The following PRAM1 variants were observed in gnomAD, a reference collection of about 807,000 sequenced individuals.
PRAM1 encodes the protein PML-RARA-regulated adapter molecule 1.
Under a neutral mutation model 55.3 loss-of-function variants are expected in PRAM1, and 41 were observed. The ratio of observed to expected loss-of-function variants is 0.74; its 90% CI spans 0.58 to 0.96. PRAM1 has a LOEUF of 0.96. Ranked by LOEUF, PRAM1 falls within the 40% of genes least tolerant of loss-of-function variation. The probability of loss-of-function intolerance (pLI) is 0.00; values close to 1 mark genes in which losing one functional copy is unlikely to be tolerated. For synonymous variants in PRAM1, 401 were observed against 387.1 expected (o/e 1.04, Z -0.42); for missense variants, 898 against 892.7 (o/e 1.01, Z -0.08).
intron 1 of PRAM1, among the ~76,000 whole-genome samples, chr19:8,501,944 A>G (rs1971812039): frequency 6.6e-6 from 1 of 152,178 alleles, no homozygotes; most frequent in African/African-American, 2.4e-5. Context: ...TAGTCCTACA[A>G]ACGCCCCTTT....
At position 8,499,267 on chromosome 19, in the gene PRAM1, A is replaced by AG. The variant is rs1320844391; in HGVS notation, c.540dup (p.Ser181LeufsTer19). The AG allele has an allele frequency of 1.2e-6, 2 of 1,608,688 alleles. No homozygotes were observed. The highest frequency in any genetic ancestry group is 8.5e-7 in the Non-Finnish European group (1 of 1,177,402). On this transcript the variant is annotated frameshift_variant, in exon 2 of 10. Transcript: ENST00000423345. LOFTEE classifies it high-confidence loss of function. ...GGGAATGCGCCGGATTTGGGTTCGG[A>AG]GGGGGGTCTGGCGGGGTGACTGAGT...
chr19:8,490,177 C>T lies in PRAM1; in HGVS notation c.*12G>A, dbSNP rs777062820. The T allele has an allele frequency of 1.1e-5, 17 of 1,560,802 alleles. No homozygotes were observed. The highest frequency in any genetic ancestry group is 4.6e-5 in the East Asian group (2 of 43,722). The stretch of plus-strand genomic sequence containing the variant: ...GGGCTGGCTGGCTGTCCTGGCCCCA[C>T]GCCTACCGGTCTTACCGTCCCAGGG... On this transcript the variant is annotated 3_prime_UTR_variant, in exon 10 of 10. Coordinates refer to ENST00000423345, the MANE Select transcript of PRAM1 (RefSeq NM_032152.5). The surrounding 1 kb of genome is among the most constrained non-coding windows in gnomAD (Gnocchi z 7.3).
chr19:8,490,239 CG>C lies in PRAM1; in HGVS notation c.1976-14del, dbSNP rs762212613. 6.2e-7 allele frequency: 1 copy of C among 1,607,630 alleles called. No homozygotes were observed. The highest frequency in any genetic ancestry group is 1.1e-5 in the South Asian group (1 of 90,270). ...TTTTCCAGGGGATCTGCCGAGGAAG[CG>C]TGACTTCCATGGACCCCTCTCCCCA... On this transcript the variant is annotated splice_polypyrimidine_tract_variant and intron_variant, in intron 9 of 9. Transcript: ENST00000423345. This position sits in a 1 kb window ranked among gnomAD's most constrained non-coding sequence, Gnocchi z 7.3.
intron 1 of PRAM1, among the ~76,000 whole-genome samples, chr19:8,500,451 T>G (rs989843474): frequency 2.0e-5 from 3 of 152,002 alleles, no homozygotes; most frequent in African/African-American, 7.2e-5. Context: ...CCCTGGTCAG[T>G]TCCCCCCATG....
intron 1 of PRAM1, among the ~76,000 whole-genome samples, chr19:8,502,079 A>G (rs867238937): frequency 3.3e-5 from 5 of 152,152 alleles, no homozygotes; most frequent in African/African-American, 1.2e-4. Flanking sequence ...AAAGGCAGCA[A>G]TTCCCACCTG....
At position 8,499,633 on chromosome 19, in the gene PRAM1, C is replaced by T. The variant is rs55837738; in HGVS notation, c.175G>A (p.Ala59Thr). The change falls in exon 2 of 10, where the codon GCC becomes ACC. Residue 59 changes from alanine to threonine, a missense_variant. Transcript: ENST00000423345. The stretch of plus-strand genomic sequence containing the variant: ...ACTGCACCAAACTCAGGCAGCGGGG[C>T]CTTCTTGGGGTGCTCGCTTAGCTCA... ...QPELSEHPKK[A>T]PLPEFGAVSL... The T allele has an allele frequency of 3.7e-6, 6 of 1,612,652 alleles. 1 individual carries two copies. The highest frequency in any genetic ancestry group is 5.1e-6 in the Non-Finnish European group (6 of 1,179,226).
chr19:8,491,222 GTTTT>G (rs1242999078), intron 4 of PRAM1, 65 bp from the exon 5 acceptor site: 2 of 1,499,272 alleles, frequency 1.3e-6, no homozygotes, highest in African/African-American at 2.8e-5. Context: ...CCTGGTAGCT[GTTTT>G]TTGTTTGTTT....
chr19:8,492,924 G>T (rs964273914), intron 4 of PRAM1, among the ~76,000 whole-genome samples: 1 of 152,160 alleles, frequency 6.6e-6, no homozygotes, highest in African/African-American at 2.4e-5. Flanking sequence ...CGGAACCTGG[G>T]AGCTGGAGGT....
rs1013502243 is a variant in PRAM1, at chr19:8,493,995, A to T, written c.1577-2838T>A. On this transcript the variant is annotated intron_variant, in intron 4 of 9. Transcript: ENST00000423345. This position sits in a 1 kb window ranked among gnomAD's most constrained non-coding sequence, Gnocchi z 4.1. Reference sequence around the variant, plus strand: ...GTATTTTTAGTAGAGACGGGGTTTCACCATGTTGGCCAGGCTGGTCTCGAA... The same window carrying T: ...GTATTTTTAGTAGAGACGGGGTTTCTCCATGTTGGCCAGGCTGGTCTCGAA... Among the ~76,000 whole-genome samples, 3 of 152,044 alleles carry T rather than the reference A, an allele frequency of 2.0e-5. No individual in the cohort carries two copies. Among genetic ancestry groups the T allele is most frequent in the Admixed American group, 2.0e-4 (3 of 15,256 alleles).
chr19:8,491,031 G>A, intron 5 of PRAM1, 36 bp from the exon 6 acceptor site: 1 of 1,612,604 alleles, frequency 6.2e-7, no homozygotes. Context: ...GTGCTCGTGA[G>A]CAAGTTGTGC....
chr19:8,500,274 C>G lies in PRAM1; in HGVS notation c.28-494G>C, dbSNP rs541215493. ...AGGCTTGAGCCGCCGCGCCCAGGCC[C>G]CCAGTCCCTTCTGTGCTAATTTCAA... On this transcript the variant is annotated intron_variant, in intron 1 of 9. Transcript: ENST00000423345. Among the ~76,000 whole-genome samples, 8 of 151,968 alleles carry G rather than the reference C, an allele frequency of 5.3e-5. 1 individual carries two copies. Among genetic ancestry groups the G allele is most frequent in the Admixed American group, 5.2e-4 (8 of 15,258 alleles).
At chr19:8,497,705 G>A (rs1971717554) in intron 4 of PRAM1, 59 bp downstream of exon 4, 17 of 1,405,630 alleles carry the variant, frequency 1.2e-5, no homozygotes, top group Non-Finnish European at 1.7e-5. Flanking sequence ...CCAGGAGCAT[G>A]GCAGAAAATG....
chr19:8,491,315 C>G (rs746853034), intron 4 of PRAM1, 158 bp from the exon 5 acceptor site: 15 of 731,062 alleles, frequency 2.1e-5, no homozygotes, highest in Admixed American at 4.4e-5. Context: ...CTCACTGCAA[C>G]CTTCGCCTCC....
rs907518320 is a variant in PRAM1 at position 8,493,322 on chromosome 19, C to T, written c.1577-2165G>A. On this transcript the variant is annotated intron_variant, in intron 4 of 9. Coordinates refer to ENST00000423345, the MANE Select transcript of PRAM1 (RefSeq NM_032152.5). The surrounding 1 kb of genome is among the most constrained non-coding windows in gnomAD (Gnocchi z 4.1). ...CAAGGAGCAGCACCTGAATCGTGCC[C>T]GCCAGATACCAGGCATGGCCATCCA... Among the ~76,000 whole-genome samples, 9 of 152,232 alleles carry T rather than the reference C, an allele frequency of 5.9e-5. No homozygotes were observed. The highest frequency in any genetic ancestry group is 1.4e-4 in the African/African-American group (6 of 41,468).
chr19:8,495,758 G>C (rs567238043), intron 4 of PRAM1, among the ~76,000 whole-genome samples: 1 of 151,668 alleles, frequency 6.6e-6, no homozygotes, highest in Admixed American at 6.6e-5. Context: ...CAGATTTAGG[G>C]ACAGGCAGGC....
intron 4 of PRAM1, among the ~76,000 whole-genome samples, chr19:8,496,615 C>T (rs989883682): frequency 6.6e-6 from 1 of 152,010 alleles, no homozygotes; most frequent in Non-Finnish European, 1.5e-5. Context: ...ATCCCAGCTA[C>T]TCCAGAGGGT....
Position 8,497,099 on chromosome 19 carries a change from A to G in PRAM1, c.1576+665T>C, listed in dbSNP as rs1401437201. On this transcript the variant is annotated intron_variant, in intron 4 of 9. Coordinates refer to ENST00000423345, the MANE Select transcript of PRAM1 (RefSeq NM_032152.5). ...AATGGAACCTAACATCTTGTCGTCA[A>G]CCCAGGGGCGGCTCTGTCATGCCCT... 2.0e-5 allele frequency among the ~76,000 whole-genome samples: 3 copies of G among 152,046 alleles called. No individual in the cohort carries two copies. The East Asian group carries it at 5.8e-4, about 29-fold the overall frequency.
chr19:8,490,356 C>T lies in PRAM1; in HGVS notation c.1957G>A (p.Asp653Asn), dbSNP rs1459822360. 1.5e-5 allele frequency: 24 copies of T among 1,614,006 alleles called. No individual in the cohort carries two copies. Among genetic ancestry groups the T allele is most frequent in the East Asian group, 2.2e-5 (1 of 44,872 alleles). Residue 653 changes from aspartate (D) to asparagine (N), a missense_variant, in exon 9 of 10, where the codon GAT becomes AAT. This residue lies in a region of PRAM1 where 787 missense variants were observed against 735.4 expected (regional missense o/e 1.07). Coordinates refer to ENST00000423345, the MANE Select transcript of PRAM1 (RefSeq NM_032152.5). This position sits in a 1 kb window ranked among gnomAD's most constrained non-coding sequence, Gnocchi z 7.3. The stretch of plus-strand genomic sequence containing the variant: ...CACGTACCGCAGAAGTCGACATCAT[C>T]GTACACCTCCGTCTCCCTGGCAGAG... ...ALLPLETEVY[D>N]DVDFCDPLEN...
chr19:8,499,418 C>G lies in PRAM1; in HGVS notation c.390G>C (p.Lys130Asn), dbSNP rs1274872499. 6.2e-7 allele frequency: 1 copy of G among 1,612,570 alleles called. No individual in the cohort carries two copies. ...SKLELSDLSK[K>N]FPQLGATPFP... ...ACGGAGTGGCCCCCAGCTGTGGGAA[C>G]TTCTTGGAGAGGTCACTCAACTCCA... The change falls in exon 2 of 10, where the codon AAG becomes AAC. Residue 130 changes from lysine (K) to asparagine (N), a missense_variant. Around this residue, in one of 4 missense-constraint regions of PRAM1, gnomAD observed 30 missense variants for 44.6 expected, o/e 0.67. Transcript: ENST00000423345.
Sources: gnomAD v4.1 joint callset for allele counts (sites outside exome capture counted in the v4.1 genomes callset) on GRCh38, gnomAD v4.1.1 for gene constraint, gnomAD v4.1.1 regional missense constraint, Gnocchi (gnomAD v3.1) non-coding constraint, MANE v1.5 for transcripts, NCBI Gene and HGNC (gene_info 2026-07-23, HGNC 2026-07-21) for gene names.